Variants in TMTC2 observed in about 807,000 individuals in gnomAD.
TMTC2 encodes the protein protein O-mannosyl-transferase TMTC2.
TMTC2 carries 43 observed loss-of-function variants against 82.4 expected under a neutral mutation model. The observed-to-expected ratio is 0.52, with a 90% CI of 0.41 to 0.67. The LOEUF is 0.67. TMTC2 is among the 30% of genes least tolerant of loss of function. TMTC2 has a pLI of 0.00. For synonymous variants in TMTC2, 408 were observed against 381.9 expected (o/e 1.07, Z -0.80); for missense variants, 919 against 1,012.4 (o/e 0.91, Z 1.25).
At chr12:82,710,959 T>C (rs1364149137) in intron 1 of TMTC2, among the ~76,000 whole-genome samples, 1 of 152,224 alleles carries the variant, frequency 6.6e-6, no homozygotes, top group Non-Finnish European at 1.5e-5. Flanking sequence ...GCCTCTGGTC[T>C]CAAGGATCTC....
At chr12:82,780,106 A>G (rs1039237156) in intron 1 of TMTC2, among the ~76,000 whole-genome samples, 3 of 152,130 alleles carry the variant, frequency 2.0e-5, no homozygotes, top group Non-Finnish European at 4.4e-5. Context: ...AGTCTTTTCT[A>G]TTTGCCTTTT....
intron 1 of TMTC2, among the ~76,000 whole-genome samples, chr12:82,815,813 G>C (rs1241403433): frequency 6.6e-6 from 1 of 152,018 alleles, no homozygotes; most frequent in African/African-American, 2.4e-5. Context: ...AGATAACACT[G>C]TCCATTCTCC....
chr12:82,825,854 G>GCACACA (rs113069531), intron 1 of TMTC2, among the ~76,000 whole-genome samples: 2,813 of 147,600 alleles, frequency 0.019, 90 homozygotes, highest in African/African-American at 0.066. Flanking sequence ...GATAGGGAAA[G>GCACACA]CACACACACA....
At chr12:82,697,334 CAAAAAA>C (rs367770708) in intron 1 of TMTC2, among the ~76,000 whole-genome samples, 1 of 61,674 alleles carries the variant, frequency 1.6e-5, no homozygotes, top group East Asian at 3.7e-4. Context: ...CAGCCTGTCT[CAAAAAA>C]AAAAAAAAAA....
chr12:82,996,759 T>C (rs952683673), intron 8 of TMTC2, among the ~76,000 whole-genome samples: 1 of 152,150 alleles, frequency 6.6e-6, no homozygotes, highest in African/African-American at 2.4e-5. Context: ...CACCAAGAAA[T>C]TTTTGTCTCT....
intron 1 of TMTC2, among the ~76,000 whole-genome samples, chr12:82,775,667 T>C (rs145875940): frequency 6.6e-6 from 1 of 152,112 alleles, no homozygotes; most frequent in African/African-American, 2.4e-5. Flanking sequence ...AAAAGAAAAA[T>C]ATTTTTACTG....
At chr12:82,916,138 C>A (rs1290160086) in intron 3 of TMTC2, among the ~76,000 whole-genome samples, 1 of 152,194 alleles carries the variant, frequency 6.6e-6, no homozygotes, top group African/African-American at 2.4e-5. Context: ...AAAGCCTTTA[C>A]TGAATTGGTA....
At chr12:82,831,605 T>A (rs1869751703) in intron 1 of TMTC2, among the ~76,000 whole-genome samples, 1 of 152,148 alleles carries the variant, frequency 6.6e-6, no homozygotes, top group African/African-American at 2.4e-5. Flanking sequence ...CAGGCCAAAC[T>A]CTTTGTTGAT....
intron 8 of TMTC2, among the ~76,000 whole-genome samples, chr12:82,993,879 G>T (rs185063530): frequency 6.6e-6 from 1 of 152,094 alleles, no homozygotes; most frequent in Non-Finnish European, 1.5e-5. Context: ...GCAAGACAGC[G>T]GAGGGAAGGC....
At chr12:82,707,012 ATAT>A (rs2136907217) in intron 1 of TMTC2, among the ~76,000 whole-genome samples, 1 of 152,298 alleles carries the variant, frequency 6.6e-6, no homozygotes, top group African/African-American at 2.4e-5. Context: ...TTTTGCTGGC[ATAT>A]TATTTCTTTT....
At chr12:82,927,703 C>T (rs773886855) in intron 3 of TMTC2, among the ~76,000 whole-genome samples, 65 of 152,302 alleles carry the variant, frequency 4.3e-4, no homozygotes, top group Non-Finnish European at 6.0e-4. Context: ...CACAGCCACT[C>T]CAACCTTCAG....
intron 1 of TMTC2, among the ~76,000 whole-genome samples, chr12:82,806,332 T>C (rs1879239807): frequency 6.6e-6 from 1 of 152,182 alleles, no homozygotes; most frequent in Non-Finnish European, 1.5e-5. Context: ...TAAGGAGTTA[T>C]GACTGATACT....
intron 7 of TMTC2, among the ~76,000 whole-genome samples, chr12:82,985,132 C>T (rs1269785139): frequency 1.3e-5 from 2 of 152,102 alleles, no homozygotes; most frequent in South Asian, 2.1e-4. Context: ...GATCAGGGCT[C>T]ACCGTAGCCT....
intron 1 of TMTC2, among the ~76,000 whole-genome samples, chr12:82,777,350 T>C (rs1049841456): frequency 3.3e-5 from 5 of 152,180 alleles, no homozygotes; most frequent in Non-Finnish European, 7.3e-5. Flanking sequence ...AGGTTAAATA[T>C]GCTTTTCTCT....
At chr12:82,996,556 G>A (rs75498678) in intron 8 of TMTC2, among the ~76,000 whole-genome samples, 1 of 152,148 alleles carries the variant, frequency 6.6e-6, no homozygotes, top group African/African-American at 2.4e-5. Flanking sequence ...AATTCAGTCT[G>A]CATGGCAATA....
intron 11 of TMTC2, among the ~76,000 whole-genome samples, chr12:83,117,455 G>A (rs550732330): frequency 7.9e-5 from 12 of 152,258 alleles, no homozygotes; most frequent in African/African-American, 2.4e-4. Flanking sequence ...GGGATGCAGG[G>A]ATGGTTTAAC....
intron 1 of TMTC2, among the ~76,000 whole-genome samples, chr12:82,797,418 T>G (rs1878774795): frequency 6.6e-6 from 1 of 152,142 alleles, no homozygotes; most frequent in Non-Finnish European, 1.5e-5. Context: ...ACTTCCTTGT[T>G]GCTAAAGTGA....
chr12:82,904,294 G>C (rs1874177053), intron 3 of TMTC2, among the ~76,000 whole-genome samples: 1 of 152,112 alleles, frequency 6.6e-6, no homozygotes, highest in Non-Finnish European at 1.5e-5. Context: ...GAATACTTCA[G>C]TCTACCATGT....
At chr12:82,893,269 G>A (rs1040485758) in intron 2 of TMTC2, among the ~76,000 whole-genome samples, 7 of 151,656 alleles carry the variant, frequency 4.6e-5, no homozygotes, top group Admixed American at 1.3e-4. Flanking sequence ...TACTTGCAAA[G>A]CTGAGGCAGG....
Sources: gnomAD v4.1 joint callset for allele counts (sites outside exome capture counted in the v4.1 genomes callset) on GRCh38, gnomAD v4.1.1 for gene constraint, MANE v1.5 for transcripts, NCBI Gene and HGNC (gene_info 2026-07-23, HGNC 2026-07-21) for gene names.